BCR: variants seen among roughly 807,000 people sequenced by gnomAD.
The protein encoded by BCR is breakpoint cluster region protein.
In BCR, 58 loss-of-function variants were observed where a neutral mutation model predicts 138.6. The observed-to-expected ratio is 0.42, with a 90% CI of 0.34 to 0.52. The LOEUF is 0.52. BCR is among the 20% of genes least tolerant of loss of function. BCR has a pLI of 0.06. For synonymous variants in BCR, 786 were observed against 730.1 expected (o/e 1.08, Z -1.23); for missense variants, 1,599 against 1,727.2 (o/e 0.93, Z 1.32).
At chr22:23,279,181 C>T (rs1276963323) in intron 8 of BCR, among the ~76,000 whole-genome samples, 1 of 152,214 alleles carries the variant, frequency 6.6e-6, no homozygotes. Context: ...CTGACTGTGG[C>T]TGTCAGCCAG....
At chr22:23,184,943 C>T (rs993498576) in intron 1 of BCR, among the ~76,000 whole-genome samples, 3 of 152,064 alleles carry the variant, frequency 2.0e-5, no homozygotes, top group South Asian at 4.1e-4. Flanking sequence ...AGGAAGTCAC[C>T]CTAATGCTCC....
intron 1 of BCR, among the ~76,000 whole-genome samples, chr22:23,223,543 C>T (rs952461337): frequency 6.6e-6 from 1 of 152,162 alleles, no homozygotes; most frequent in African/African-American, 2.4e-5. Flanking sequence ...TCCCTTCTTC[C>T]CTCTTCTCCT....
At chr22:23,305,557 C>T (rs2073947371) in intron 16 of BCR, among the ~76,000 whole-genome samples, 2 of 152,364 alleles carry the variant, frequency 1.3e-5, no homozygotes, top group Non-Finnish European at 2.9e-5. Flanking sequence ...TGCTTCAGGG[C>T]AGCACACAGC....
chr22:23,203,332 C>CT (rs1225339849), intron 1 of BCR, among the ~76,000 whole-genome samples: 2 of 149,418 alleles, frequency 1.3e-5, no homozygotes, highest in Admixed American at 1.3e-4. Flanking sequence ...ACTGCCTGCT[C>CT]TTTTTTGACT....
intron 1 of BCR, among the ~76,000 whole-genome samples, chr22:23,186,861 G>A (rs1325282628): frequency 5.9e-5 from 9 of 152,236 alleles, no homozygotes; most frequent in East Asian, 1.9e-4. Flanking sequence ...TCAGCCTCCC[G>A]AGTAGCTGGG....
chr22:23,215,709 G>A (rs916884374), intron 1 of BCR, among the ~76,000 whole-genome samples: 2 of 152,158 alleles, frequency 1.3e-5, no homozygotes, highest in Non-Finnish European at 2.9e-5. Context: ...CAGGGACCCC[G>A]CTTAGTTATG....
chr22:23,217,152 T>C (rs1038883930), intron 1 of BCR: 3 of 321,410 alleles, frequency 9.3e-6, no homozygotes, highest in Non-Finnish European at 2.0e-5. Flanking sequence ...GGGAAAATGA[T>C]CCTAGACCAT....
intron 16 of BCR, 41 bp downstream of exon 16, chr22:23,295,196 C>T (rs767152764): frequency 1.1e-5 from 16 of 1,464,914 alleles, no homozygotes; most frequent in South Asian, 4.5e-5. Flanking sequence ...CGATGCATGG[C>T]GTCCTTTTTC....
Position 23,314,147 on chromosome 22 carries a change from A to G in BCR, c.3563+74A>G, listed in dbSNP as rs561024859. ...CAGAGTGCCCCTCTGCTCCCACTAG[A>G]CCCCCAACACCGAGGACCTTTTCTC... On this transcript the variant is annotated intron_variant, in intron 21 of 22. Coordinates refer to ENST00000305877, the MANE Select transcript of BCR (RefSeq NM_004327.4). 6.8e-5 allele frequency: 81 copies of G among 1,197,612 alleles called. No individual in the cohort carries two copies. The Admixed American group carries it at 9.1e-4, about 13-fold the overall frequency. The allele number at this position is 1,197,612 out of a possible 1,614,324, so 74.2% of individuals were successfully genotyped here. A position where few individuals can be genotyped will look rare whatever the true frequency, so the allele number is the denominator to read the frequency against.
At position 23,189,496 on chromosome 22, in the gene BCR, TTTTC is replaced by T. The variant is rs532832574; in HGVS notation, c.1279+7269_1279+7272del. On this transcript the variant is annotated intron_variant, in intron 1 of 22. Transcript: ENST00000305877. ...GGCGACACTCTCAGTCTTTTCTTTTTTTTCTTTCTTTCTTTTCTTGAGACGGAGT... is the reference window on the plus strand; with the variant it reads ...GGCGACACTCTCAGTCTTTTCTTTTTTTTCTTTCTTTTCTTGAGACGGAGT... Among the ~76,000 whole-genome samples the T allele has an allele frequency of 8.5e-4, 129 of 152,190 alleles. 3 individuals are homozygous for T. The Middle Eastern group carries it at 0.017, about 20-fold the overall frequency.
chr22:23,271,925 A>G (rs1254182942), intron 6 of BCR, among the ~76,000 whole-genome samples: 1 of 151,840 alleles, frequency 6.6e-6, no homozygotes, highest in Non-Finnish European at 1.5e-5. Context: ...TCCCGGGTTC[A>G]AGTGATCCTC....
chr22:23,224,593 G>T (rs2072865932), intron 1 of BCR, among the ~76,000 whole-genome samples: 1 of 152,204 alleles, frequency 6.6e-6, no homozygotes, highest in Non-Finnish European at 1.5e-5. Context: ...TCCAAAACCT[G>T]CTGAGAGGCC....
chr22:23,211,237 G>A (rs550239523), intron 1 of BCR, among the ~76,000 whole-genome samples: 5 of 152,038 alleles, frequency 3.3e-5, no homozygotes, highest in Admixed American at 6.6e-5. Context: ...TTGCTCTGTC[G>A]CCCAGGCTGG....
chr22:23,304,349 T>C (rs2073935872), intron 16 of BCR, among the ~76,000 whole-genome samples: 1 of 152,168 alleles, frequency 6.6e-6, no homozygotes, highest in African/African-American at 2.4e-5. Flanking sequence ...AGAGTGGGCT[T>C]TTTTGACTGA....
chr22:23,261,417 C>T lies in BCR; in HGVS notation c.1629C>T (p.Ile543=), dbSNP rs751289487. 14 of 1,613,734 alleles carry T rather than the reference C, an allele frequency of 8.7e-6. No homozygotes were observed. The highest frequency in any genetic ancestry group is 2.7e-5 in the African/African-American group (2 of 74,840). The stretch of plus-strand genomic sequence containing the variant: ...AGCCGGTGCTGACGAGTCAGCAGAT[C>T]GAGACCATCTTCTTCAAAGTGCCTG... The part of the protein sequence containing the change: ...TSQPVLTSQQ[I]ETIFFKVPEL... Residue 543 remains isoleucine, a synonymous_variant, in exon 4 of 23, where the codon ATC becomes ATT. Coordinates refer to ENST00000305877, the MANE Select transcript of BCR (RefSeq NM_004327.4).
At chr22:23,305,538 G>A (rs975998484) in intron 16 of BCR, among the ~76,000 whole-genome samples, 21 of 152,218 alleles carry the variant, frequency 1.4e-4, no homozygotes, top group African/African-American at 3.4e-4. Flanking sequence ...CATGCAAAGT[G>A]GTCAGTGATG....
In BCR at chr22:23,180,779, CGCCGAGCGCCCCGCT is replaced by C; in HGVS notation, c.-181_-167del. The C allele has an allele frequency of 5.5e-6, 1 of 181,332 alleles. No individual in the cohort carries two copies. The highest frequency in any genetic ancestry group is 1.8e-4 in the South Asian group (1 of 5,450). The allele number at this position is 181,332 out of a possible 1,614,324, so 11.2% of individuals were successfully genotyped here. On this transcript the variant is annotated 5_prime_UTR_variant, in exon 1 of 23. Transcript: ENST00000305877. ...TCCCCCCGGCGCGCCCCGCCCCGCG[CGCCGAGCGCCCCGCT>C]CCGCCTCACCTGCCACCAGGGAGTG... is the stretch of plus-strand genomic sequence containing the variant.
rs868145350 is a variant in BCR, at chr22:23,285,124, C to T, written c.2329C>T (p.Pro777Ser). ...VDELEAVPNI[P>S]LVPDEELDAL... ...TGAACTGGAGGCAGTGCCCAACATC[C>T]CCCTGGTGCCCGATGAGGAGCTGGA... is the stretch of plus-strand genomic sequence containing the variant. Residue 777 changes from proline to serine, a missense_variant, in exon 10 of 23, where the codon CCC becomes TCC. This residue lies in a region of BCR where 590 missense variants were observed against 762.4 expected (regional missense o/e 0.77). Transcript: ENST00000305877. The T allele has an allele frequency of 1.9e-6, 3 of 1,613,942 alleles. No homozygotes were observed. In the African/African-American group the frequency reaches 4.0e-5, roughly 22 times the overall value.
chr22:23,233,444 C>T (rs1027390502), intron 1 of BCR, among the ~76,000 whole-genome samples: 2 of 152,164 alleles, frequency 1.3e-5, no homozygotes, highest in African/African-American at 2.4e-5. Flanking sequence ...GTGTAAAATG[C>T]CTGGCTCTGT....
Sources: allele counts gnomAD v4.1 joint callset (sites outside exome capture counted in the v4.1 genomes callset), GRCh38; gene constraint gnomAD v4.1.1; regional missense constraint gnomAD v4.1.1; transcripts MANE v1.5; gene names NCBI Gene and HGNC (gene_info 2026-07-23, HGNC 2026-07-21).